CCDC149: variants seen among roughly 807,000 people sequenced by gnomAD.
CCDC149 encodes the protein coiled-coil domain-containing protein 149.
CCDC149 carries 45 observed loss-of-function variants against 59.9 expected under a neutral mutation model. That is an observed-to-expected ratio of 0.75 (90% confidence interval 0.59 to 0.96). The LOEUF (loss-of-function observed/expected upper bound fraction) is 0.96, where lower values mean the gene tolerates loss of function less well. Ranked by LOEUF, CCDC149 falls within the 40% of genes least tolerant of loss-of-function variation. The pLI is 0.00. For missense variants in CCDC149, 584 were observed against 664.7 expected, an observed-to-expected ratio of 0.88 and a Z score of 1.33; for synonymous variants, 245 against 260.6, an observed-to-expected ratio of 0.94 and a Z score of 0.58.
chr4:24,971,073 A>G (rs1041448971), intron 1 of CCDC149, among the ~76,000 whole-genome samples: 13 of 152,202 alleles, frequency 8.5e-5, no homozygotes, highest in Non-Finnish European at 1.6e-4. Flanking sequence ...TAGGAACACA[A>G]TGTTGTACCT....
chr4:24,838,679 C>T (rs1395083905), intron 4 of CCDC149, among the ~76,000 whole-genome samples: 1 of 151,942 alleles, frequency 6.6e-6, no homozygotes, highest in Non-Finnish European at 1.5e-5. Flanking sequence ...ACCCAATGAT[C>T]CAGTAACTCT....
chr4:24,870,033 G>A (rs191676247), intron 3 of CCDC149, among the ~76,000 whole-genome samples: 1 of 152,350 alleles, frequency 6.6e-6, no homozygotes, highest in East Asian at 1.9e-4. Context: ...AGGGGAACCA[G>A]ACACAGAAGG....
At chr4:24,888,281 T>C (rs535890626) in intron 1 of CCDC149, among the ~76,000 whole-genome samples, 26 of 152,264 alleles carry the variant, frequency 1.7e-4, no homozygotes, top group South Asian at 1.0e-3. Flanking sequence ...CATAGATATA[T>C]AGATAGATAG....
chr4:24,843,300 A>G (rs1270622916), intron 4 of CCDC149, among the ~76,000 whole-genome samples: 1 of 152,222 alleles, frequency 6.6e-6, no homozygotes, highest in Non-Finnish European at 1.5e-5. Flanking sequence ...TCTTGCCCCC[A>G]GTCCCCGTGT....
intron 3 of CCDC149, among the ~76,000 whole-genome samples, chr4:24,863,068 G>A (rs1360389555): frequency 6.6e-6 from 1 of 152,172 alleles, no homozygotes; most frequent in Non-Finnish European, 1.5e-5. Flanking sequence ...TGAGGCGGGA[G>A]GATCACCTGA....
At chr4:24,949,874 C>G (rs1218847600) in intron 1 of CCDC149, among the ~76,000 whole-genome samples, 1 of 152,172 alleles carries the variant, frequency 6.6e-6, no homozygotes, top group Non-Finnish European at 1.5e-5. Context: ...TCCGTGGACT[C>G]CCCGGGGCCT....
chr4:24,921,256 A>G (rs965451077), intron 1 of CCDC149, among the ~76,000 whole-genome samples: 2 of 152,232 alleles, frequency 1.3e-5, no homozygotes, highest in Non-Finnish European at 2.9e-5. Context: ...CTGTATAATT[A>G]TCTGTGATGA....
intron 1 of CCDC149, among the ~76,000 whole-genome samples, chr4:24,936,306 C>T (rs1009563267): frequency 5.7e-5 from 8 of 141,482 alleles, no homozygotes; most frequent in Non-Finnish European, 1.1e-4. Flanking sequence ...GGCAATATTG[C>T]CACATATTTT....
chr4:24,950,182 T>C (rs1316930359), intron 1 of CCDC149, among the ~76,000 whole-genome samples: 1 of 152,204 alleles, frequency 6.6e-6, no homozygotes, highest in African/African-American at 2.4e-5. Context: ...AGCCCCTGTC[T>C]ATATCACAGT....
intron 1 of CCDC149, among the ~76,000 whole-genome samples, chr4:24,894,137 CCAGCA>C (rs1285887938): frequency 6.6e-6 from 1 of 152,148 alleles, no homozygotes; most frequent in East Asian, 1.9e-4. Context: ...TGTCAAGCAT[CCAGCA>C]CAGGACTCAA....
intron 7 of CCDC149, among the ~76,000 whole-genome samples, chr4:24,836,066 T>C (rs1390117762): frequency 1.3e-5 from 2 of 152,166 alleles, no homozygotes; most frequent in Non-Finnish European, 2.9e-5. Flanking sequence ...ACGACAGAAA[T>C]AGCATCTGAT....
chr4:24,900,099 C>A (rs994846260), intron 1 of CCDC149, among the ~76,000 whole-genome samples: 1 of 152,324 alleles, frequency 6.6e-6, no homozygotes, highest in African/African-American at 2.4e-5. Flanking sequence ...ACCTGAAGAA[C>A]GCTTATCACA....
intron 4 of CCDC149, among the ~76,000 whole-genome samples, chr4:24,847,346 T>C (rs185837231): frequency 3.3e-5 from 5 of 152,320 alleles, no homozygotes; most frequent in Admixed American, 1.3e-4. Context: ...ACAAACGATA[T>C]TGCATGCAAG....
intron 9 of CCDC149, among the ~76,000 whole-genome samples, chr4:24,823,886 G>T (rs939700761): frequency 5.3e-5 from 8 of 151,992 alleles, no homozygotes; most frequent in Non-Finnish European, 1.2e-4. Context: ...CATTCCATTT[G>T]TTGGGTCTCT....
chr4:24,897,309 A>G (rs895511531), intron 1 of CCDC149, among the ~76,000 whole-genome samples: 1 of 152,192 alleles, frequency 6.6e-6, no homozygotes, highest in African/African-American at 2.4e-5. Context: ...CCAGGAGTGC[A>G]GGATGTGTGA....
At chr4:24,896,372 A>C (rs1720846220) in intron 1 of CCDC149, among the ~76,000 whole-genome samples, 1 of 152,216 alleles carries the variant, frequency 6.6e-6, no homozygotes. Flanking sequence ...AGTTGAAGAA[A>C]GACGAATGTA....
chr4:24,868,706 A>G (rs1490210447), intron 3 of CCDC149, among the ~76,000 whole-genome samples: 1 of 152,122 alleles, frequency 6.6e-6, no homozygotes, highest in Non-Finnish European at 1.5e-5. Flanking sequence ...TTTTGCTACA[A>G]TGCAAGTTCC....
At chr4:24,894,080 C>T (rs184697231) in intron 1 of CCDC149, among the ~76,000 whole-genome samples, 1 of 152,274 alleles carries the variant, frequency 6.6e-6, no homozygotes, top group Non-Finnish European at 1.5e-5. Flanking sequence ...GCTTTCCTTG[C>T]ATATTCCCTG....
At chr4:24,812,436 T>C (rs1387975586) in intron 12 of CCDC149, among the ~76,000 whole-genome samples, 1 of 152,238 alleles carries the variant, frequency 6.6e-6, no homozygotes. Context: ...TGCTCGCTTC[T>C]TGTAGAAGAT....
Sources: gnomAD v4.1 joint callset for allele counts (sites outside exome capture counted in the v4.1 genomes callset) on GRCh38, gnomAD v4.1.1 for gene constraint, MANE v1.5 for transcripts, NCBI Gene and HGNC (gene_info 2026-07-23, HGNC 2026-07-21) for gene names.